The following DNAI2 variants were observed in gnomAD, a reference collection of about 807,000 sequenced individuals.
DNAI2 encodes dynein axonemal intermediate chain 2.
Under a neutral mutation model 74.7 loss-of-function variants are expected in DNAI2, and 63 were observed. The observed-to-expected ratio is 0.84, with a 90% CI of 0.69 to 1.04. The LOEUF is 1.04. Ranked by LOEUF, DNAI2 falls within the 50% of genes least tolerant of loss-of-function variation. The probability of loss-of-function intolerance (pLI) is 0.00; values close to 1 mark genes in which losing one functional copy is unlikely to be tolerated. For synonymous variants in DNAI2, 289 were observed against 314.9 expected, an observed-to-expected ratio of 0.92 and a Z score of 0.87; for missense variants, 688 against 803.2, an observed-to-expected ratio of 0.86 and a Z score of 1.73.
Position 74,281,848 on chromosome 17 carries a change from C to A in DNAI2, c.31C>A (p.Arg11Ser). 6.2e-7 allele frequency: 1 copy of A among 1,614,040 alleles called. No individual in the cohort carries two copies. The highest frequency in any genetic ancestry group is 8.5e-7 in the Non-Finnish European group (1 of 1,180,024). Residue 11 changes from arginine to serine, a missense_variant, in exon 2 of 14, where the codon CGC (arginine) becomes AGC (serine). Coordinates refer to ENST00000311014, the MANE Select transcript of DNAI2 (RefSeq NM_023036.6). ...GATTGTGTACGTGTACGTCAAGAAGCGCAGCGAGTTCGGGAAGCAGTGCAA... is the reference window on the plus strand; with the variant it reads ...GATTGTGTACGTGTACGTCAAGAAGAGCAGCGAGTTCGGGAAGCAGTGCAA... MEIVYVYVKK[R>S]SEFGKQCNFS...
In DNAI2 at chr17:74,311,935, C is replaced by T. The variant is rs566257321; in HGVS notation, c.1495-68C>T. 8 of 1,496,984 alleles carry T rather than the reference C, an allele frequency of 5.3e-6. No homozygotes were observed. The East Asian group carries it at 9.3e-5, about 17-fold the overall frequency. The allele number at this position is 1,496,984 out of a possible 1,614,324, so 92.7% of individuals were successfully genotyped here. The stretch of plus-strand genomic sequence containing the variant: ...GAGCTCAGCAGAAGCCCCACCTGGC[C>T]CCAGCACTGGAGTCGCTTGCCATCC... On this transcript the variant is annotated intron_variant, in intron 11 of 13. Coordinates refer to ENST00000311014, the MANE Select transcript of DNAI2 (RefSeq NM_023036.6).
At chr17:74,288,221 T>G (rs572604159) in intron 4 of DNAI2, among the ~76,000 whole-genome samples, 6 of 152,360 alleles carry the variant, frequency 3.9e-5, no homozygotes, top group African/African-American at 1.4e-4. Context: ...TTACATGAGC[T>G]GTTCACCTCT....
chr17:74,302,736 G>A (rs534294269), intron 8 of DNAI2, among the ~76,000 whole-genome samples: 95 of 152,320 alleles, frequency 6.2e-4, no homozygotes, highest in Middle Eastern at 3.4e-3. Flanking sequence ...CTTGGTTTAC[G>A]TCTTAGTGCA....
chr17:74,302,071 G>C (rs2052880718), intron 8 of DNAI2, among the ~76,000 whole-genome samples: 1 of 53,516 alleles, frequency 1.9e-5, no homozygotes, highest in South Asian at 8.6e-4. Flanking sequence ...AGGAAGGAAA[G>C]AAGGAAGGAA....
intron 2 of DNAI2, 77 bp from the exon 3 acceptor site, chr17:74,284,963 G>A: frequency 6.3e-7 from 1 of 1,599,930 alleles, no homozygotes; most frequent in Non-Finnish European, 8.5e-7. Context: ...GCCCCCGTGG[G>A]ACCTGGCTTG....
At chr17:74,312,650 C>T (rs542539193) in intron 12 of DNAI2, among the ~76,000 whole-genome samples, 1 of 152,328 alleles carries the variant, frequency 6.6e-6, no homozygotes, top group East Asian at 1.9e-4. Context: ...GTCATGCTGG[C>T]TTACCCAGGT....
intron 6 of DNAI2, among the ~76,000 whole-genome samples, chr17:74,295,701 A>C (rs968699844): frequency 5.9e-5 from 9 of 152,230 alleles, no homozygotes; most frequent in African/African-American, 2.2e-4. Flanking sequence ...GCAACTTTGC[A>C]AATCAGATTG....
intron 5 of DNAI2, 58 bp downstream of exon 5, chr17:74,289,794 G>A (rs1020896003): frequency 6.2e-6 from 10 of 1,609,960 alleles, no homozygotes; most frequent in African/African-American, 4.0e-5. Flanking sequence ...ACCAGCACAA[G>A]TGGAGGAGCG....
chr17:74,301,291 C>T (rs2052746462), intron 8 of DNAI2, 123 bp downstream of exon 8: 1 of 1,413,978 alleles, frequency 7.1e-7, no homozygotes. Context: ...AGGCCACCCT[C>T]ACTGCAGCCA....
At position 74,301,121 on chromosome 17, in the gene DNAI2, T is replaced by C. The variant is rs749072778; in HGVS notation, c.940T>C (p.Leu314=). 21 of 1,614,014 alleles carry C rather than the reference T, an allele frequency of 1.3e-5. 1 individual carries two copies. In the South Asian group the frequency reaches 2.1e-4, roughly 16 times the overall value. ...CTTGGACATCACCAAGAAGGAACAG[T>C]TGGAAAATGCCTTGGGGGCCATCTC... is the stretch of plus-strand genomic sequence containing the variant. The part of the protein sequence containing the change: ...VILDITKKEQ[L]ENALGAISLE... Residue 314 remains leucine, a synonymous_variant, in exon 8 of 14, where the codon TTG becomes CTG. Transcript: ENST00000311014.
At chr17:74,285,328 C>T (rs1388823808) in intron 3 of DNAI2, 127 bp downstream of exon 3, 1 of 1,196,630 alleles carries the variant, frequency 8.4e-7, no homozygotes, top group Non-Finnish European at 1.2e-6. Flanking sequence ...GGAAGGGGAC[C>T]AGCTGCTACC....
intron 1 of DNAI2, among the ~76,000 whole-genome samples, chr17:74,277,094 G>A (rs974962334): frequency 2.0e-5 from 3 of 152,182 alleles, no homozygotes; most frequent in South Asian, 2.1e-4. Flanking sequence ...ACAAGAAAGA[G>A]AAGAAAACAA....
chr17:74,296,926 A>G (rs144519019), intron 6 of DNAI2, among the ~76,000 whole-genome samples: 1 of 152,314 alleles, frequency 6.6e-6, no homozygotes, highest in Non-Finnish European at 1.5e-5. Flanking sequence ...TTGAATAAAC[A>G]TTCTCCCGAC....
intron 8 of DNAI2, among the ~76,000 whole-genome samples, chr17:74,304,811 G>T (rs190963158): frequency 1.3e-5 from 2 of 152,300 alleles, no homozygotes; most frequent in Non-Finnish European, 2.9e-5. Flanking sequence ...GCCAGGGAAG[G>T]CTCTGCCCAT....
chr17:74,312,318 G>C (rs1268941150), intron 12 of DNAI2, 88 bp downstream of exon 12: 20 of 1,072,510 alleles, frequency 1.9e-5, no homozygotes, highest in African/African-American at 3.1e-5. Flanking sequence ...GACTTCCTGG[G>C]TGACCTTGAG....
chr17:74,296,457 T>G (rs2052451396), intron 6 of DNAI2, among the ~76,000 whole-genome samples: 1 of 152,086 alleles, frequency 6.6e-6, no homozygotes, highest in South Asian at 2.1e-4. Context: ...TGTGAACTCC[T>G]GGCCTCAAGC....
At chr17:74,302,017 AGGAAGG>A (rs1198728925) in intron 8 of DNAI2, among the ~76,000 whole-genome samples, 3 of 45,214 alleles carry the variant, frequency 6.6e-5, no homozygotes, top group African/African-American at 3.0e-4. Context: ...GAAGGAAAGA[AGGAAGG>A]AAAGAAGGAA....
chr17:74,311,987 G>C lies in DNAI2; in HGVS notation c.1495-16G>C. 1 of 1,610,942 alleles carries C rather than the reference G, an allele frequency of 6.2e-7. No individual in the cohort carries two copies. The highest frequency in any genetic ancestry group is 8.5e-7 in the Non-Finnish European group (1 of 1,179,566). On this transcript the variant is annotated splice_polypyrimidine_tract_variant and intron_variant, in intron 11 of 13. Transcript: ENST00000311014. ...GCCCTCTCCCCACCGGGCTCTCTCT[G>C]TCCCTGGGTGCCCAGATGTTTGAGC...
At chr17:74,284,444 G>T (rs1163005378) in intron 2 of DNAI2, among the ~76,000 whole-genome samples, 3 of 151,852 alleles carry the variant, frequency 2.0e-5, no homozygotes, top group Non-Finnish European at 2.9e-5. Context: ...ACGGAGTCTC[G>T]CTCTGTCGCC....
Sources: gnomAD v4.1 joint callset for allele counts (sites outside exome capture counted in the v4.1 genomes callset) on GRCh38, gnomAD v4.1.1 for gene constraint, MANE v1.5 for transcripts, NCBI Gene and HGNC (gene_info 2026-07-23, HGNC 2026-07-21) for gene names.